PLXNA2: variants seen among roughly 807,000 people sequenced by gnomAD.
PLXNA2 encodes plexin A2.
PLXNA2 carries 91 observed loss-of-function variants against 193.5 expected under a neutral mutation model. That is an observed-to-expected ratio of 0.47 (90% CI 0.40 to 0.56). The LOEUF (loss-of-function observed/expected upper bound fraction) is 0.56. Ranked by LOEUF, PLXNA2 falls within the 20% of genes least tolerant of loss-of-function variation. PLXNA2 has a pLI of 0.00. For synonymous variants in PLXNA2, 997 were observed against 1,027.3 expected, an observed-to-expected ratio of 0.97 and a Z score of 0.56; for missense variants, 1,995 against 2,503.2, an observed-to-expected ratio of 0.80 and a Z score of 4.33.
At chr1:208,097,816 G>A (rs544811534) in intron 6 of PLXNA2, among the ~76,000 whole-genome samples, 148 of 151,942 alleles carry the variant, frequency 9.7e-4, no homozygotes, top group African/African-American at 3.3e-3. Flanking sequence ...GTGACATCTC[G>A]GTGGCCTCCA....
At chr1:208,143,187 A>G (rs1013096686) in intron 3 of PLXNA2, among the ~76,000 whole-genome samples, 22 of 152,272 alleles carry the variant, frequency 1.4e-4, no homozygotes, top group African/African-American at 3.8e-4. Context: ...ATTAATCACA[A>G]TCTCTGTGGG....
At chr1:208,108,388 A>G (rs1397233147) in intron 4 of PLXNA2, among the ~76,000 whole-genome samples, 1 of 152,180 alleles carries the variant, frequency 6.6e-6, no homozygotes, top group Non-Finnish European at 1.5e-5. Context: ...TCCTGGACAG[A>G]GCCCCTGGGC....
At chr1:208,238,670 T>C (rs1338281769) in intron 1 of PLXNA2, among the ~76,000 whole-genome samples, 1 of 152,076 alleles carries the variant, frequency 6.6e-6, no homozygotes, top group Non-Finnish European at 1.5e-5. Flanking sequence ...ACAGAGAATA[T>C]GAAGAAAAAG....
chr1:208,153,216 A>G (rs1346649905), intron 3 of PLXNA2, among the ~76,000 whole-genome samples: 2 of 152,156 alleles, frequency 1.3e-5, no homozygotes, highest in African/African-American at 4.8e-5. Flanking sequence ...ATGTCATGCT[A>G]AAGGCTTTAT....
chr1:208,156,450 ACAAAACCCATTTCACTGATGAAACC>A (rs11270697), intron 3 of PLXNA2, among the ~76,000 whole-genome samples: 42,859 of 151,790 alleles, frequency 0.28, 6,918 homozygotes, highest in Non-Finnish European at 0.37. Flanking sequence ...CAAATCATTT[ACAAAACCCATTTCACTGATGAAACC>A]CAAAACCCAT....
chr1:208,172,433 G>A (rs571612797), intron 3 of PLXNA2, among the ~76,000 whole-genome samples: 1 of 152,142 alleles, frequency 6.6e-6, no homozygotes, highest in South Asian at 2.1e-4. Flanking sequence ...CCAAGTTACC[G>A]CTGCCCCCTC....
intron 9 of PLXNA2, among the ~76,000 whole-genome samples, chr1:208,086,979 C>CTCTCTA (rs1491364667): frequency 1.5e-5 from 1 of 65,444 alleles, no homozygotes; most frequent in African/African-American, 7.1e-5. Context: ...CTCTCTCTCT[C>CTCTCTA]TGTGTGTGTG....
At chr1:208,112,839 A>G (rs1174329313) in intron 4 of PLXNA2, among the ~76,000 whole-genome samples, 1 of 152,118 alleles carries the variant, frequency 6.6e-6, no homozygotes, top group Non-Finnish European at 1.5e-5. Context: ...GGATAGAGGT[A>G]AAACTTGGGC....
chr1:208,121,054 G>T (rs1032351965), intron 4 of PLXNA2, among the ~76,000 whole-genome samples: 5 of 152,102 alleles, frequency 3.3e-5, no homozygotes, highest in African/African-American at 1.2e-4. Context: ...AGCAGTAGAC[G>T]CTTAATAACC....
intron 28 of PLXNA2, 85 bp downstream of exon 28, chr1:208,033,234 A>C: frequency 7.8e-7 from 1 of 1,285,076 alleles, no homozygotes; most frequent in South Asian, 1.3e-5. Flanking sequence ...TGAAGGACAC[A>C]CTCCAGACAT....
chr1:208,142,510 C>A, intron 3 of PLXNA2, 47 bp from the exon 4 acceptor site: 1 of 1,527,048 alleles, frequency 6.5e-7, no homozygotes, highest in Non-Finnish European at 8.8e-7. Flanking sequence ...TCAGTATTCC[C>A]CTGTGGGCTA....
intron 9 of PLXNA2, among the ~76,000 whole-genome samples, chr1:208,090,403 C>T (rs1666669259): frequency 6.6e-6 from 1 of 152,232 alleles, no homozygotes; most frequent in Non-Finnish European, 1.5e-5. Context: ...AATTTAATCC[C>T]GAGTTGCAGG....
chr1:208,121,081 T>C (rs2102449237), intron 4 of PLXNA2, among the ~76,000 whole-genome samples: 1 of 152,174 alleles, frequency 6.6e-6, no homozygotes, highest in East Asian at 1.9e-4. Flanking sequence ...GTAAAACAAA[T>C]CTAATCCTCC....
At chr1:208,168,277 T>C (rs560770006) in intron 3 of PLXNA2, among the ~76,000 whole-genome samples, 84 of 152,250 alleles carry the variant, frequency 5.5e-4, no homozygotes, top group Admixed American at 1.1e-3. Flanking sequence ...AGAGGTATTC[T>C]GTCCAGAGAA....
intron 2 of PLXNA2, among the ~76,000 whole-genome samples, chr1:208,213,064 C>T (rs1037526866): frequency 6.6e-5 from 10 of 152,084 alleles, no homozygotes; most frequent in African/African-American, 2.4e-4. Context: ...TGGGCACAGG[C>T]GTAGCCCAAG....
intron 3 of PLXNA2, among the ~76,000 whole-genome samples, chr1:208,174,784 T>C (rs1273485215): frequency 6.6e-6 from 1 of 152,188 alleles, no homozygotes; most frequent in African/African-American, 2.4e-5. Context: ...CCTTCTCTCC[T>C]CCTCATGTGT....
At chr1:208,096,259 C>T in intron 7 of PLXNA2, 134 bp from the exon 8 acceptor site, 1 of 692,886 alleles carries the variant, frequency 1.4e-6, no homozygotes, top group Non-Finnish European at 2.5e-6. Context: ...TGGAACCTGC[C>T]TGAATCGTCT....
Position 208,043,221 on chromosome 1 carries a change from C to T in PLXNA2, c.3875-18G>A, listed in dbSNP as rs374587018. 5.4e-5 allele frequency: 87 copies of T among 1,606,748 alleles called. No individual in the cohort carries two copies. In the Middle Eastern group the frequency reaches 6.7e-4, roughly 12 times the overall value. ...AGCAAAAGCTATGAGAATAAGCAGA[C>T]GGAGAGGCTCGTGGGGAAGCCCCAG... is the stretch of plus-strand genomic sequence containing the variant. On this transcript the variant is annotated intron_variant, in intron 20 of 31. Coordinates refer to ENST00000367033, the MANE Select transcript of PLXNA2 (RefSeq NM_025179.4).
Position 208,092,823 on chromosome 1 carries a change from G to A in PLXNA2, c.2060C>T (p.Thr687Ile). ...GATCCGGCCCTCCTGGAAGGAGCAG[G>A]TGGTGGGGTCATGAGTGCAGAGGTT... ...YRNLCTHDPT[T>I]CSFQEGRINI... Residue 687 changes from threonine (T) to isoleucine (I), a missense_variant, in exon 9 of 32, where the codon ACC becomes ATC. Transcript: ENST00000367033. 1 of 1,613,998 alleles carries A rather than the reference G, an allele frequency of 6.2e-7. No homozygotes were observed. Among genetic ancestry groups the A allele is most frequent in the Admixed American group, 1.7e-5 (1 of 60,030 alleles).
Sources: allele counts gnomAD v4.1 joint callset (sites outside exome capture counted in the v4.1 genomes callset), GRCh38; gene constraint gnomAD v4.1.1; transcripts MANE v1.5; gene names NCBI Gene and HGNC (gene_info 2026-07-23, HGNC 2026-07-21).